CDC20B: variants seen among roughly 807,000 people sequenced by gnomAD.
CDC20B encodes cell division cycle protein 20 homolog B.
In CDC20B, 58 loss-of-function variants were observed where a neutral mutation model predicts 64.1. That is an observed-to-expected ratio of 0.90 (90% confidence interval 0.73 to 1.13). The LOEUF is 1.13. Among genes scored for constraint, CDC20B ranks in the 50% most tolerant of loss-of-function variants. The pLI, the probability that CDC20B is intolerant of heterozygous loss-of-function variation, is 0.00. For synonymous variants in CDC20B, 243 were observed against 230.6 expected (o/e 1.05, Z -0.49); for missense variants, 597 against 633.0 (o/e 0.94, Z 0.61).
chr5:55,143,789 G>T (rs561155941), intron 3 of CDC20B, 146 bp from the exon 4 acceptor site: 1 of 716,206 alleles, frequency 1.4e-6, no homozygotes, highest in Non-Finnish European at 2.2e-6. Flanking sequence ...CAGAGAGCAG[G>T]ACAGAGTGAA....
At chr5:55,171,971 C>T (rs1744612361) in intron 2 of CDC20B, among the ~76,000 whole-genome samples, 1 of 152,208 alleles carries the variant, frequency 6.6e-6, no homozygotes, top group Admixed American at 6.5e-5. Flanking sequence ...AGAATCTCTG[C>T]GTACAGGTCA....
chr5:55,151,086 T>G (rs1743655030), intron 2 of CDC20B, among the ~76,000 whole-genome samples: 1 of 152,106 alleles, frequency 6.6e-6, no homozygotes. Flanking sequence ...TTCTCTCCGC[T>G]AAGAAAAAAA....
intron 2 of CDC20B, among the ~76,000 whole-genome samples, chr5:55,159,313 G>A (rs781504477): frequency 9.2e-5 from 14 of 152,114 alleles, no homozygotes; most frequent in South Asian, 4.1e-4. Context: ...CACCATGCCC[G>A]GCCTCAGTTT....
At chr5:55,122,950 G>T (rs781761444) in intron 9 of CDC20B, among the ~76,000 whole-genome samples, 3 of 152,184 alleles carry the variant, frequency 2.0e-5, no homozygotes, top group Non-Finnish European at 2.9e-5. Flanking sequence ...AACCATAAAA[G>T]ATAATGAAAT....
At chr5:55,141,793 G>A (rs1743336867) in intron 4 of CDC20B, among the ~76,000 whole-genome samples, 1 of 152,110 alleles carries the variant, frequency 6.6e-6, no homozygotes, top group Admixed American at 6.6e-5. Context: ...TCCCAATCTT[G>A]GCACTATGGG....
chr5:55,142,525 G>C (rs544166786), intron 4 of CDC20B, among the ~76,000 whole-genome samples: 1 of 152,088 alleles, frequency 6.6e-6, no homozygotes, highest in African/African-American at 2.4e-5. Context: ...AAGGATAAGA[G>C]GAAGGAAAAG....
chr5:55,131,260 T>C (rs929437967), intron 6 of CDC20B, among the ~76,000 whole-genome samples: 15 of 152,206 alleles, frequency 9.9e-5, no homozygotes, highest in African/African-American at 3.4e-4. Context: ...ATGTGTACAA[T>C]AGTAACTCTA....
At position 55,119,921 on chromosome 5, in the gene CDC20B, G is replaced by A. The variant is rs1185287422; in HGVS notation, c.1342-3C>T. On this transcript the variant is annotated splice_polypyrimidine_tract_variant and splice_region_variant and intron_variant, in intron 10 of 11. Transcript: ENST00000381375. The stretch of plus-strand genomic sequence containing the variant: ...GGTAGCCAGATTAAGGAACAAATCT[G>A]TAATAATGATCAAAAATAGAGAATT... The A allele has an allele frequency of 3.8e-6, 6 of 1,582,682 alleles. No individual in the cohort carries two copies. The South Asian group carries it at 6.6e-5, about 18-fold the overall frequency.
In CDC20B at chr5:55,113,588, A is replaced by G. The variant is rs1037270680; in HGVS notation, c.*630T>C. ...GACTAGGTGAAGCAAAAGAAAAGAGAGCAAAGGGTGAACTGAGGAAGCACA... is the reference window on the plus strand; with the variant it reads ...GACTAGGTGAAGCAAAAGAAAAGAGGGCAAAGGGTGAACTGAGGAAGCACA... On this transcript the variant is annotated 3_prime_UTR_variant, in exon 12 of 12. Transcript: ENST00000381375. 6.6e-6 allele frequency: 1 copy of G among 152,668 alleles called. No individual in the cohort carries two copies. Among genetic ancestry groups the G allele is most frequent in the African/African-American group, 2.4e-5 (1 of 41,446 alleles). 9.5% of individuals were successfully genotyped at this position (152,668 alleles called of 1,614,324 possible).
At position 55,159,746 on chromosome 5, in the gene CDC20B, G is replaced by C. The variant is rs984094670; in HGVS notation, c.126+12842C>G. Among the ~76,000 whole-genome samples, 6 of 152,078 alleles carry C rather than the reference G, an allele frequency of 3.9e-5. No individual in the cohort carries two copies. The South Asian group carries it at 1.0e-3, about 26-fold the overall frequency. ...TACATGTAATAGTAACGTCCTTCAG[G>C]GTATACACCATATGAGTAGGTCACA... is the stretch of plus-strand genomic sequence containing the variant. On this transcript the variant is annotated intron_variant, in intron 2 of 11. Transcript: ENST00000381375.
In CDC20B at chr5:55,127,216, G is replaced by C. The variant is rs1215115063; in HGVS notation, c.989+41C>G. 2.0e-6 allele frequency: 3 copies of C among 1,531,346 alleles called. No individual in the cohort carries two copies. The African/African-American group carries it at 4.1e-5, about 21-fold the overall frequency. 94.9% of individuals were successfully genotyped at this position (1,531,346 alleles called of 1,614,324 possible). On this transcript the variant is annotated intron_variant, in intron 8 of 11. Transcript: ENST00000381375. ...GTTTACTCAGGCCCCATAATCAATT[G>C]TTAATACAAACATAACTGTCTCCAA...
intron 2 of CDC20B, among the ~76,000 whole-genome samples, chr5:55,162,090 CAAAAA>C (rs34286995): frequency 7.7e-5 from 7 of 90,712 alleles, no homozygotes; most frequent in Admixed American, 1.2e-4. Context: ...CCATATTAGT[CAAAAA>C]AAAAAAAAAA....
At chr5:55,156,692 G>T (rs1279188555) in intron 2 of CDC20B, among the ~76,000 whole-genome samples, 2 of 151,944 alleles carry the variant, frequency 1.3e-5, no homozygotes, top group East Asian at 3.9e-4. Flanking sequence ...TGACTAATAT[G>T]GTGAAACCCC....
At chr5:55,162,753 T>C (rs140002330) in intron 2 of CDC20B, among the ~76,000 whole-genome samples, 1 of 152,256 alleles carries the variant, frequency 6.6e-6, no homozygotes, top group Admixed American at 6.5e-5. Flanking sequence ...AGCAGCCAGA[T>C]ACGTGGGTGC....
At chr5:55,120,024 T>A in intron 10 of CDC20B, 106 bp from the exon 11 acceptor site, 1 of 794,304 alleles carries the variant, frequency 1.3e-6, no homozygotes, top group Non-Finnish European at 2.1e-6. Flanking sequence ...CAACCTCCAG[T>A]ACAGCTGGGG....
Position 55,166,155 on chromosome 5 carries a change from C to T in CDC20B, c.126+6433G>A, listed in dbSNP as rs372361181. The T allele has an allele frequency of 8.5e-5, 13 of 152,320 alleles. No homozygotes were observed. In the South Asian group the frequency reaches 2.3e-3, roughly 27 times the overall value. 9.4% of individuals were successfully genotyped at this position (152,320 alleles called of 1,614,324 possible). A position where few individuals can be genotyped will look rare whatever the true frequency, so the allele number is the denominator to read the frequency against. On this transcript the variant is annotated intron_variant, in intron 2 of 11. Coordinates refer to ENST00000381375, the MANE Select transcript of CDC20B (RefSeq NM_001170402.1). ...ACTGCAGGGGTGTTTTATGCATTCA[C>T]GTTAGGAGCATGAGCAGAACTGCAT...
At chr5:55,139,077 C>T (rs1453628879) in intron 5 of CDC20B, among the ~76,000 whole-genome samples, 3 of 151,104 alleles carry the variant, frequency 2.0e-5, no homozygotes, top group Non-Finnish European at 4.4e-5. Flanking sequence ...TAATGCCAAG[C>T]TTTATCATCA....
At chr5:55,172,910 G>T (rs1389063763) in intron 1 of CDC20B, 28 bp downstream of exon 1, 5 of 1,575,700 alleles carry the variant, frequency 3.2e-6, no homozygotes, top group Non-Finnish European at 4.3e-6. Context: ...AGAGAGTTAG[G>T]GAGAATGCAG....
At chr5:55,153,304 G>A (rs927615354) in intron 2 of CDC20B, among the ~76,000 whole-genome samples, 31 of 148,418 alleles carry the variant, frequency 2.1e-4, no homozygotes, top group African/African-American at 7.5e-4. Flanking sequence ...AAACATTTCT[G>A]CAGAAATTAG....
Sources: gnomAD v4.1 joint callset for allele counts (sites outside exome capture counted in the v4.1 genomes callset) on GRCh38, gnomAD v4.1.1 for gene constraint, MANE v1.5 for transcripts, NCBI Gene and HGNC (gene_info 2026-07-23, HGNC 2026-07-21) for gene names.